Variants in RNF38 observed in about 807,000 individuals in gnomAD.
The protein encoded by RNF38 is ring finger protein 38.
Under a neutral mutation model 67.2 loss-of-function variants are expected in RNF38, and 15 were observed. The ratio of observed to expected loss-of-function variants is 0.22; its 90% CI spans 0.15 to 0.34. RNF38 has a LOEUF of 0.34. RNF38 is among the 10% of genes least tolerant of loss of function. RNF38 has a pLI of 1.00. For missense variants in RNF38, 524 were observed against 639.9 expected (o/e 0.82, Z 1.95); for synonymous variants, 220 against 218.8 (o/e 1.01, Z -0.05).
intron 2 of RNF38, among the ~76,000 whole-genome samples, chr9:36,379,321 T>C (rs1836028881): frequency 6.6e-6 from 1 of 152,224 alleles, no homozygotes; most frequent in East Asian, 1.9e-4. Flanking sequence ...ATTTTAGTAC[T>C]CTAAGGAACT....
At chr9:36,372,598 A>G in intron 3 of RNF38, 1 of 704,202 alleles carries the variant, frequency 1.4e-6, no homozygotes, top group Admixed American at 2.2e-5. Flanking sequence ...GGTAACCTAT[A>G]TTAAGTAGTA....
chr9:36,477,505 C>T (rs572135776), intron 1 of RNF38, among the ~76,000 whole-genome samples: 59 of 151,710 alleles, frequency 3.9e-4, no homozygotes, highest in African/African-American at 1.4e-3. Flanking sequence ...GTGAAACCTC[C>T]ATGTCACAAA....
In RNF38 at chr9:36,362,979, C is replaced by T. The variant is rs1356327572; in HGVS notation, c.571-5037G>A. Among the ~76,000 whole-genome samples the T allele has an allele frequency of 2.1e-5, 2 of 96,492 alleles. 1 individual carries two copies. The highest frequency in any genetic ancestry group is 1.9e-4 in the Admixed American group (2 of 10,516). The allele number at this position is 96,492 out of a possible 152,430, so 63.3% of individuals were successfully genotyped here. A position where few individuals can be genotyped will look rare whatever the true frequency, so the allele number is the denominator to read the frequency against. ...TGAACCACTGAAGCTTGAACCCCAA[C>T]CTAGTCTTTTGTTGGTTAAATACCT... is the stretch of plus-strand genomic sequence containing the variant. On this transcript the variant is annotated intron_variant, in intron 4 of 11. Coordinates refer to ENST00000259605, the MANE Select transcript of RNF38 (RefSeq NM_022781.5).
chr9:36,454,030 T>C (rs925854132), intron 1 of RNF38, among the ~76,000 whole-genome samples: 4 of 152,108 alleles, frequency 2.6e-5, no homozygotes, highest in Non-Finnish European at 5.9e-5. Flanking sequence ...TACGCATGGG[T>C]TTGTTATACT....
At chr9:36,401,755 G>A (rs1838043256), upstream of RNF38, among the ~76,000 whole-genome samples, 1 of 152,250 alleles carries the variant, frequency 6.6e-6, no homozygotes, top group Admixed American at 6.5e-5. Flanking sequence ...GGACATCATG[G>A]AAGGGGTGGA....
intron 4 of RNF38, among the ~76,000 whole-genome samples, chr9:36,360,963 G>A (rs1430737678): frequency 2.0e-5 from 3 of 151,670 alleles, no homozygotes; most frequent in Non-Finnish European, 2.9e-5. Context: ...AAGTGCATGC[G>A]ACCACACCCA....
At chr9:36,466,994 C>T (rs1449463932) in intron 1 of RNF38, among the ~76,000 whole-genome samples, 1 of 147,548 alleles carries the variant, frequency 6.8e-6, no homozygotes, top group South Asian at 2.2e-4. Context: ...GCCTGGTCAA[C>T]ATGGCGAAAC....
At chr9:36,472,015 A>C (rs1478986047) in intron 1 of RNF38, among the ~76,000 whole-genome samples, 1 of 152,216 alleles carries the variant, frequency 6.6e-6, no homozygotes, top group Non-Finnish European at 1.5e-5. Flanking sequence ...AAGCTTTAAA[A>C]TATCAATTTT....
intron 1 of RNF38, chr9:36,487,228 C>T (rs1243894253): frequency 1.1e-6 from 1 of 879,264 alleles, no homozygotes; most frequent in East Asian, 1.2e-4. Context: ...GGGCCGGGCG[C>T]CTGGACCACA....
chr9:36,466,493 T>G (rs1357768045), intron 1 of RNF38, among the ~76,000 whole-genome samples: 3 of 152,214 alleles, frequency 2.0e-5, no homozygotes, highest in Admixed American at 1.3e-4. Context: ...TTTCTTGACC[T>G]GCTTGGTAGT....
intron 1 of RNF38, among the ~76,000 whole-genome samples, chr9:36,468,568 T>C (rs1839920259): frequency 6.6e-6 from 1 of 152,204 alleles, no homozygotes; most frequent in South Asian, 2.1e-4. Context: ...TCTCAGCACT[T>C]TGGGAGGCCG....
intron 2 of RNF38, among the ~76,000 whole-genome samples, chr9:36,423,717 AGGCGGGCG>A (rs1337546414): frequency 1.9e-4 from 18 of 95,210 alleles, no homozygotes; most frequent in Middle Eastern, 4.3e-3. Flanking sequence ...TGGGAGGCCG[AGGCGGGCG>A]GATCACGAGG....
At chr9:36,485,796 G>C (rs1840396108) in intron 1 of RNF38, among the ~76,000 whole-genome samples, 1 of 152,134 alleles carries the variant, frequency 6.6e-6, no homozygotes, top group African/African-American at 2.4e-5. Flanking sequence ...TTGTTAATTA[G>C]TCTTTCCCTT....
chr9:36,381,734 C>T (rs751491511), intron 2 of RNF38, among the ~76,000 whole-genome samples: 3 of 152,176 alleles, frequency 2.0e-5, no homozygotes, highest in Non-Finnish European at 4.4e-5. Context: ...TGTGTCTTTT[C>T]GGTTTGAAAC....
At position 36,424,218 on chromosome 9, in the gene RNF38, G is replaced by A. The variant is rs557090795; in HGVS notation, n.312+395C>T. On this transcript the variant is annotated intron_variant and non_coding_transcript_variant, in intron 2 of 3. Coordinates refer to the RNF38 transcript ENST00000488058. The stretch of plus-strand genomic sequence containing the variant: ...GTATAAGAAGAAAACATAATTCAAT[G>A]CAATTAATGCCAAAAGTGAACCAAA... 2.0e-5 allele frequency among the ~76,000 whole-genome samples: 3 copies of A among 152,274 alleles called. No individual in the cohort carries two copies. The East Asian group carries it at 5.8e-4, about 29-fold the overall frequency.
At chr9:36,477,862 T>C (rs931720190) in intron 1 of RNF38, among the ~76,000 whole-genome samples, 2 of 150,408 alleles carry the variant, frequency 1.3e-5, no homozygotes, top group African/African-American at 4.9e-5. Context: ...AGCGTAGTTG[T>C]CACACTCATT....
At chr9:36,464,693 T>A (rs1328438298) in intron 1 of RNF38, among the ~76,000 whole-genome samples, 1 of 152,056 alleles carries the variant, frequency 6.6e-6, no homozygotes. Flanking sequence ...TAAATTAATA[T>A]ACATACACTG....
At chr9:36,365,285 G>T (rs1269476650) in intron 4 of RNF38, among the ~76,000 whole-genome samples, 1 of 152,122 alleles carries the variant, frequency 6.6e-6, no homozygotes, top group Non-Finnish European at 1.5e-5. Flanking sequence ...GTTTTCCTGT[G>T]GTCAGGCACA....
Position 36,337,256 on chromosome 9 carries a change from T to G in RNF38, c.*2496A>C, listed in dbSNP as rs41277101. Reference sequence around the variant, plus strand: ...CTGTGTGTGTGTTCCTGATACACACTAACCACAATAAGCAAGTCTGCACAC... The same window carrying G: ...CTGTGTGTGTGTTCCTGATACACACGAACCACAATAAGCAAGTCTGCACAC... On this transcript the variant is annotated 3_prime_UTR_variant, in exon 12 of 12. Transcript: ENST00000259605. 0.032 allele frequency: 4,895 copies of G among 152,388 alleles called. 93 individuals are homozygous for G. The highest frequency in any genetic ancestry group is 0.049 in the Non-Finnish European group (3,335 of 68,034). 9.4% of individuals were successfully genotyped at this position (152,388 alleles called of 1,614,324 possible).
Sources: allele counts gnomAD v4.1 joint callset (sites outside exome capture counted in the v4.1 genomes callset), GRCh38; gene constraint gnomAD v4.1.1; transcripts MANE v1.5; gene names NCBI Gene and HGNC (gene_info 2026-07-23, HGNC 2026-07-21).